The following ADGRF1 variants were observed in gnomAD, a reference collection of about 807,000 sequenced individuals.
ADGRF1 encodes G protein-coupled receptor 110.
A neutral mutation model predicts 87.2 loss-of-function variants in ADGRF1; 85 were observed. The observed-to-expected ratio is 0.97, with a 90% confidence interval of 0.82 to 1.17. The LOEUF is 1.17. Ranked by LOEUF, ADGRF1 falls within the 50% of genes most tolerant of loss-of-function variation. The pLI, the probability that ADGRF1 is intolerant of heterozygous loss-of-function variation, is 0.00. For missense variants in ADGRF1, 1,169 were observed against 1,077.2 expected (o/e 1.09, Z -1.19); for synonymous variants, 430 against 408.8 (o/e 1.05, Z -0.63).
At chr6:47,007,027 G>A (rs972580886) in intron 12 of ADGRF1, among the ~76,000 whole-genome samples, 20 of 151,922 alleles carry the variant, frequency 1.3e-4, no homozygotes, top group African/African-American at 3.9e-4. Context: ...CCTTTTTTCC[G>A]ACAACGTTTA....
Position 47,024,038 on chromosome 6 carries a change from G to T in ADGRF1, c.451+6C>A, listed in dbSNP as rs374035604. 2.5e-6 allele frequency: 4 copies of T among 1,612,476 alleles called. No individual in the cohort carries two copies. The African/African-American group carries it at 5.3e-5, about 22-fold the overall frequency. On this transcript the variant is annotated splice_donor_region_variant and intron_variant, in intron 5 of 14. Coordinates refer to ENST00000371253, the MANE Select transcript of ADGRF1 (RefSeq NM_153840.4). Reference sequence around the variant, plus strand: ...GCCCCAGCCCAGAGCATTCTTAGTTGCTTACTTGTTCTCTCACAGAAATTG... The same window carrying T: ...GCCCCAGCCCAGAGCATTCTTAGTTTCTTACTTGTTCTCTCACAGAAATTG...
At chr6:47,040,429 G>A (rs1034404489) in intron 1 of ADGRF1, among the ~76,000 whole-genome samples, 17 of 152,012 alleles carry the variant, frequency 1.1e-4, no homozygotes, top group Non-Finnish European at 2.2e-4. Flanking sequence ...CCGAGATCAC[G>A]CCACTGCACT....
chr6:47,013,173 C>T, intron 9 of ADGRF1: 1 of 985,494 alleles, frequency 1.0e-6, no homozygotes, highest in Non-Finnish European at 1.2e-6. Flanking sequence ...TTCCACTCAA[C>T]ATTAAGTCCA....
At chr6:47,025,552 G>T (rs1780203127) in intron 4 of ADGRF1, among the ~76,000 whole-genome samples, 1 of 152,144 alleles carries the variant, frequency 6.6e-6, no homozygotes, top group Non-Finnish European at 1.5e-5. Flanking sequence ...CAGAGTTACT[G>T]CGGTCACTTC....
chr6:47,007,706 G>T (rs1779572756), intron 11 of ADGRF1, among the ~76,000 whole-genome samples: 1 of 152,210 alleles, frequency 6.6e-6, no homozygotes, highest in Non-Finnish European at 1.5e-5. Context: ...GGAGGGATTT[G>T]ACCTATATCA....
intron 4 of ADGRF1, among the ~76,000 whole-genome samples, chr6:47,024,488 A>G (rs1034182216): frequency 6.6e-6 from 1 of 151,984 alleles, no homozygotes; most frequent in Admixed American, 6.5e-5. Flanking sequence ...TAGTTTTTGT[A>G]TTTTCAGTAG....
At chr6:47,003,502 C>T (rs988805876) in intron 13 of ADGRF1, among the ~76,000 whole-genome samples, 5 of 152,156 alleles carry the variant, frequency 3.3e-5, no homozygotes, top group African/African-American at 1.2e-4. Flanking sequence ...ATTTGCATCT[C>T]TTGCATCAAA....
At chr6:47,041,638 T>C (rs530582670) in intron 1 of ADGRF1, among the ~76,000 whole-genome samples, 2 of 152,342 alleles carry the variant, frequency 1.3e-5, no homozygotes, top group South Asian at 4.1e-4. Context: ...GGAGAAATGG[T>C]TAGTCAATTC....
At position 46,998,961 on chromosome 6, in the gene ADGRF1, T is replaced by A. The variant is rs1478383292; in HGVS notation, c.*1261A>T. The A allele has an allele frequency of 6.6e-6, 1 of 152,204 alleles. No individual in the cohort carries two copies. Among genetic ancestry groups the A allele is most frequent in the Non-Finnish European group, 1.5e-5 (1 of 68,056 alleles). The allele number at this position is 152,204 out of a possible 1,614,324, so 9.4% of individuals were successfully genotyped here. ...TAATCTACCACCACTAACTAGAAGT[T>A]CCCCCAGCTGTCTTTATTTGCATAG... On this transcript the variant is annotated 3_prime_UTR_variant, in exon 15 of 15. Transcript: ENST00000371253.
At chr6:47,007,386 T>C (rs965961735) in intron 11 of ADGRF1, 92 bp from the exon 12 acceptor site, 2 of 721,132 alleles carry the variant, frequency 2.8e-6, no homozygotes, top group African/African-American at 3.6e-5. Flanking sequence ...TCACCCCACA[T>C]TGAAACTGTT....
chr6:47,034,146 T>C (rs1688145789), intron 1 of ADGRF1, among the ~76,000 whole-genome samples: 1 of 152,242 alleles, frequency 6.6e-6, no homozygotes, highest in Non-Finnish European at 1.5e-5. Context: ...AAGTTAAAAC[T>C]CTGTGGGCTC....
chr6:47,005,720 G>T, intron 13 of ADGRF1, 97 bp downstream of exon 13: 2 of 760,148 alleles, frequency 2.6e-6, no homozygotes, highest in South Asian at 1.8e-5. Context: ...AATTCAAGGG[G>T]TTTACACAGA....
At chr6:47,013,501 G>T in intron 9 of ADGRF1, 1 of 985,450 alleles carries the variant, frequency 1.0e-6, no homozygotes, top group South Asian at 4.7e-5. Flanking sequence ...TGCTCAATAT[G>T]GAAATCTACT....
chr6:47,025,717 G>A, intron 4 of ADGRF1, 137 bp downstream of exon 4: 1 of 814,152 alleles, frequency 1.2e-6, no homozygotes, highest in Non-Finnish European at 1.9e-6. Context: ...CATGTAGCAT[G>A]AAGAAGATAT....
intron 1 of ADGRF1, among the ~76,000 whole-genome samples, chr6:47,031,977 G>A (rs1009912438): frequency 6.6e-6 from 1 of 152,034 alleles, no homozygotes; most frequent in Admixed American, 6.6e-5. Flanking sequence ...TCCAAAGTGG[G>A]ACTACAGGCA....
intron 14 of ADGRF1, among the ~76,000 whole-genome samples, chr6:47,001,074 A>G (rs1434291174): frequency 6.6e-6 from 1 of 152,216 alleles, no homozygotes; most frequent in Non-Finnish European, 1.5e-5. Context: ...GCCCAGGGGC[A>G]TTTTAGGGAG....
rs1310347947 is a variant in ADGRF1 at position 47,009,539 on chromosome 6, CA to C, written c.1895del (p.Leu632ArgfsTer4). 2 of 1,613,968 alleles carry C rather than the reference CA, an allele frequency of 1.2e-6. No individual in the cohort carries two copies. The highest frequency in any genetic ancestry group is 1.7e-6 in the Non-Finnish European group (2 of 1,180,014). On this transcript the variant is annotated frameshift_variant, in exon 11 of 15. Coordinates refer to ENST00000371253, the MANE Select transcript of ADGRF1 (RefSeq NM_153840.4). LOFTEE classifies it high-confidence loss of function. The stretch of plus-strand genomic sequence containing the variant: ...ACCAGACATCAGCAATCAAGAGGGA[CA>C]GGGCTATGTTCACCATGCAAATACG... ...TRRICMVNIA[L>X]SLLIADVWFI...
intron 10 of ADGRF1, 144 bp from the exon 11 acceptor site, chr6:47,010,462 A>C: frequency 1.4e-6 from 1 of 739,970 alleles, no homozygotes; most frequent in Non-Finnish European, 2.1e-6. Flanking sequence ...CATCAATCAA[A>C]TTTAGCTCAG....
intron 4 of ADGRF1, among the ~76,000 whole-genome samples, chr6:47,024,472 C>G (rs1229064534): frequency 1.3e-5 from 2 of 152,114 alleles, no homozygotes; most frequent in East Asian, 3.9e-4. Flanking sequence ...GCACCATCAC[C>G]CTGGCTAGTT....
Sources: allele counts gnomAD v4.1 joint callset (sites outside exome capture counted in the v4.1 genomes callset), GRCh38; gene constraint gnomAD v4.1.1; transcripts MANE v1.5; gene names NCBI Gene and HGNC (gene_info 2026-07-23, HGNC 2026-07-21).